The following NRXN3 variants were observed in gnomAD, a reference collection of about 807,000 sequenced individuals.
NRXN3 encodes neurexin III.
A neutral mutation model predicts 137.6 loss-of-function variants in NRXN3; 32 were observed. That is an observed-to-expected ratio of 0.23 (90% CI 0.18 to 0.31). The LOEUF is 0.31. Ranked by LOEUF, NRXN3 falls within the 10% of genes least tolerant of loss-of-function variation. The pLI, the probability that NRXN3 is intolerant of heterozygous loss-of-function variation, is 1.00. For missense variants in NRXN3, 1,574 were observed against 2,062.5 expected (o/e 0.76, Z 4.59); for synonymous variants, 798 against 784.5 (o/e 1.02, Z -0.29).
chr14:78,348,986 T>C (rs2083123848), intron 4 of NRXN3, among the ~76,000 whole-genome samples: 1 of 152,214 alleles, frequency 6.6e-6, no homozygotes, highest in Non-Finnish European at 1.5e-5. Context: ...AGCCAATTTA[T>C]TAACCAAGAG....
chr14:79,722,355 C>T (rs886575826), intron 19 of NRXN3, among the ~76,000 whole-genome samples: 8 of 152,122 alleles, frequency 5.3e-5, no homozygotes, highest in African/African-American at 1.9e-4. Flanking sequence ...GATCCCATTG[C>T]CTGCAGGATA....
intron 2 of NRXN3, among the ~76,000 whole-genome samples, chr14:78,265,482 C>G (rs1463963108): frequency 6.6e-6 from 1 of 152,074 alleles, no homozygotes; most frequent in African/African-American, 2.4e-5. Context: ...TATACATTAT[C>G]TCATTTGAGT....
intron 11 of NRXN3, among the ~76,000 whole-genome samples, chr14:78,965,337 G>C (rs957277754): frequency 3.9e-5 from 6 of 152,130 alleles, no homozygotes; most frequent in Non-Finnish European, 7.4e-5. Flanking sequence ...AAGCCCCCCA[G>C]GTGATTCTGA....
At chr14:78,979,076 A>G (rs1227820686) in intron 14 of NRXN3, among the ~76,000 whole-genome samples, 1 of 152,130 alleles carries the variant, frequency 6.6e-6, no homozygotes, top group East Asian at 1.9e-4. Context: ...TCTATTCAGA[A>G]TAGGACCACA....
At chr14:79,242,100 TATCAGGTAA>T (rs2153347919) in intron 15 of NRXN3, among the ~76,000 whole-genome samples, 1 of 151,968 alleles carries the variant, frequency 6.6e-6, no homozygotes, top group South Asian at 2.1e-4. Flanking sequence ...AAAACAACCC[TATCAGGTAA>T]ATCACTGTAA....
chr14:78,182,852 A>T (rs862328), intron 1 of NRXN3, among the ~76,000 whole-genome samples: 67,119 of 152,020 alleles, frequency 0.44, 16,948 homozygotes, highest in Non-Finnish European at 0.56. Flanking sequence ...TGAGAAAAAA[A>T]AAGTTTTTGG....
At chr14:79,428,487 A>G (rs11846828) in intron 15 of NRXN3, among the ~76,000 whole-genome samples, 6,825 of 152,256 alleles carry the variant, frequency 0.045, 516 homozygotes, top group African/African-American at 0.16. Flanking sequence ...GTTTAAAGAT[A>G]AGACATGAAA....
chr14:79,248,180 A>C (rs1001134007), intron 15 of NRXN3, among the ~76,000 whole-genome samples: 11 of 152,144 alleles, frequency 7.2e-5, no homozygotes, highest in African/African-American at 1.9e-4. Flanking sequence ...AACCCTCCAG[A>C]CAGCCCTTCA....
chr14:79,188,048 A>G lies in NRXN3; in HGVS notation c.3262+199907A>G, dbSNP rs571811270. The stretch of plus-strand genomic sequence containing the variant: ...CCATAAGAGGTCAACTAGAGTTTCT[A>G]TCTTGTTACAAGTTCATTACACAGG... On this transcript the variant is annotated intron_variant, in intron 15 of 20. Transcript: ENST00000335750. 1.5e-4 allele frequency among the ~76,000 whole-genome samples: 23 copies of G among 152,354 alleles called. No individual in the cohort carries two copies. The East Asian group carries it at 3.5e-3, about 23-fold the overall frequency.
chr14:78,284,335 G>A (rs571024336), intron 3 of NRXN3, among the ~76,000 whole-genome samples: 93 of 152,162 alleles, frequency 6.1e-4, no homozygotes, highest in African/African-American at 2.2e-3. Flanking sequence ...TTTGCTTCAA[G>A]TTGTCCCGCC....
intron 8 of NRXN3, among the ~76,000 whole-genome samples, chr14:78,746,711 T>C (rs993553009): frequency 1.3e-5 from 2 of 152,202 alleles, no homozygotes; most frequent in South Asian, 2.1e-4. Flanking sequence ...ATGGGCATGC[T>C]CACTTCTACT....
At chr14:79,691,887 CAGAG>C (rs1170195756) in intron 17 of NRXN3, among the ~76,000 whole-genome samples, 4 of 151,978 alleles carry the variant, frequency 2.6e-5, no homozygotes, top group Non-Finnish European at 5.9e-5. Context: ...TGAGATGAGA[CAGAG>C]AGAGAGTGAA....
chr14:78,595,222 G>A (rs2097149102), intron 4 of NRXN3, among the ~76,000 whole-genome samples: 1 of 152,232 alleles, frequency 6.6e-6, no homozygotes, highest in South Asian at 2.1e-4. Context: ...ATGGCCATGA[G>A]AAGTTCTAGG....
At chr14:79,274,186 G>A (rs751046880) in intron 15 of NRXN3, among the ~76,000 whole-genome samples, 9 of 151,372 alleles carry the variant, frequency 5.9e-5, no homozygotes, top group African/African-American at 7.3e-5. Context: ...AACCTAGGCC[G>A]TGGAGCACCA....
At chr14:79,556,882 C>T (rs1163110683) in intron 16 of NRXN3, among the ~76,000 whole-genome samples, 1 of 152,148 alleles carries the variant, frequency 6.6e-6, no homozygotes, top group Non-Finnish European at 1.5e-5. Context: ...TGGTCCAACC[C>T]AATGTTGCAC....
At chr14:79,006,030 C>G (rs2152363459) in intron 15 of NRXN3, among the ~76,000 whole-genome samples, 1 of 152,246 alleles carries the variant, frequency 6.6e-6, no homozygotes, top group Non-Finnish European at 1.5e-5. Context: ...ATCAAACCTA[C>G]ATAGGATTTG....
At chr14:78,453,764 A>G (rs533959022) in intron 4 of NRXN3, among the ~76,000 whole-genome samples, 111 of 152,354 alleles carry the variant, frequency 7.3e-4, no homozygotes, top group African/African-American at 2.5e-3. Flanking sequence ...TGGACACAGA[A>G]ACAGACACAT....
Position 78,921,551 on chromosome 14 carries a change from T to C in NRXN3, c.2276-35691T>C, listed in dbSNP as rs2099270979. ...TTCTAATCACCTAAATCACTTTAAG[T>C]CTCATCTTTTTGACATGGTGATGGT... On this transcript the variant is annotated intron_variant, in intron 10 of 20. Transcript: ENST00000335750. Among the ~76,000 whole-genome samples the C allele has an allele frequency of 2.6e-5, 4 of 152,164 alleles. No homozygotes were observed. In the South Asian group the frequency reaches 8.3e-4, roughly 32 times the overall value.
intron 16 of NRXN3, among the ~76,000 whole-genome samples, chr14:79,592,075 A>G (rs964209716): frequency 6.6e-6 from 1 of 152,164 alleles, no homozygotes; most frequent in Non-Finnish European, 1.5e-5. Flanking sequence ...AAGTTACCTC[A>G]TGCCCAATTC....
Sources: gnomAD v4.1 joint callset for allele counts (sites outside exome capture counted in the v4.1 genomes callset) on GRCh38, gnomAD v4.1.1 for gene constraint, MANE v1.5 for transcripts, NCBI Gene and HGNC (gene_info 2026-07-23, HGNC 2026-07-21) for gene names.